Variants in EEF1A2 observed in about 807,000 individuals in gnomAD.
EEF1A2 encodes the protein elongation factor 1-alpha 2.
A neutral mutation model predicts 39.3 loss-of-function variants in EEF1A2; 5 were observed. That is an observed-to-expected ratio of 0.13 (90% CI 0.07 to 0.27). The LOEUF is 0.27. Ranked by LOEUF, EEF1A2 falls within the 10% of genes least tolerant of loss-of-function variation. The pLI, the probability that EEF1A2 is intolerant of heterozygous loss-of-function variation, is 1.00. For synonymous variants in EEF1A2, 287 were observed against 293.7 expected (o/e 0.98, Z 0.23); for missense variants, 218 against 681.4 (o/e 0.32, Z 7.57).
chr20:63,488,160 A>T lies in EEF1A2; in HGVS notation c.*138T>A. On this transcript the variant is annotated 3_prime_UTR_variant, in exon 8 of 8. Coordinates refer to ENST00000217182, the MANE Select transcript of EEF1A2 (RefSeq NM_001958.5). ...CAGTCGCTGACCGAGGGCCTCTGGCAAGCGGAGGTGCAGACATGCGCCTGG... is the reference window on the plus strand; with the variant it reads ...CAGTCGCTGACCGAGGGCCTCTGGCTAGCGGAGGTGCAGACATGCGCCTGG... 2.3e-6 allele frequency: 1 copy of T among 436,096 alleles called. No individual in the cohort carries two copies. The highest frequency in any genetic ancestry group is 3.0e-6 in the Non-Finnish European group (1 of 332,984). The allele number at this position is 436,096 out of a possible 1,614,324, so 27.0% of individuals were successfully genotyped here.
chr20:63,493,943 G>C (rs192313540), intron 4 of EEF1A2, among the ~76,000 whole-genome samples: 1 of 152,238 alleles, frequency 6.6e-6, no homozygotes, highest in African/African-American at 2.4e-5. Flanking sequence ...GCCTCCCTGG[G>C]GAGGGGAGAG....
intron 4 of EEF1A2, 23 bp from the exon 5 acceptor site, chr20:63,493,310 A>G (rs1338284790): frequency 1.3e-6 from 2 of 1,495,562 alleles, no homozygotes; most frequent in South Asian, 2.6e-5. Flanking sequence ...GAGAAAATCA[A>G]TCCGTTAAGA....
At chr20:63,490,196 A>G (rs1185628202) in intron 6 of EEF1A2, 3 of 308,736 alleles carry the variant, frequency 9.7e-6, no homozygotes, top group Non-Finnish European at 1.9e-5. Flanking sequence ...GCTTCCTGAT[A>G]GCTGGGACTA....
intron 7 of EEF1A2, 97 bp from the exon 8 acceptor site, chr20:63,488,522 T>A (rs7265428): frequency 1.6e-6 from 2 of 1,287,096 alleles, no homozygotes; most frequent in Admixed American, 4.0e-5. Context: ...GCGTCGGGAA[T>A]GTCCTCGGAA....
At chr20:63,494,304 G>C (rs1448267783) in intron 4 of EEF1A2, among the ~76,000 whole-genome samples, 1 of 152,214 alleles carries the variant, frequency 6.6e-6, no homozygotes, top group Non-Finnish European at 1.5e-5. Flanking sequence ...GCTCCCAGGT[G>C]ACCGGCCAAG....
At chr20:63,489,423 G>A (rs1358537776) in intron 6 of EEF1A2, among the ~76,000 whole-genome samples, 2 of 152,202 alleles carry the variant, frequency 1.3e-5, no homozygotes, top group African/African-American at 4.8e-5. Flanking sequence ...ACTAAGGCGG[G>A]GGGGTGACAA....
rs746290505 is a variant in EEF1A2, at chr20:63,495,063, G to A, written c.363C>T (p.Gly121=). 30 of 1,611,720 alleles carry A rather than the reference G, an allele frequency of 1.9e-5. No homozygotes were observed. The highest frequency in any genetic ancestry group is 2.7e-5 in the African/African-American group (2 of 74,918). ...CAVLIVAAGV[G]EFEAGISKNG... ...TCTTGGAGATGCCCGCCTCGAACTC[G>A]CCCACGCCCGCCGCCACGATCAGCA... Residue 121 remains glycine (G), a synonymous_variant, in exon 4 of 8, where the codon GGC becomes GGT. Coordinates refer to ENST00000217182, the MANE Select transcript of EEF1A2 (RefSeq NM_001958.5).
chr20:63,490,388 G>T (rs1004750167), intron 6 of EEF1A2, 91 bp downstream of exon 6: 2 of 1,496,536 alleles, frequency 1.3e-6, no homozygotes, highest in Non-Finnish European at 1.8e-6. Context: ...TTCTCCCCAC[G>T]CCAGGCCACC....
rs1031208247 is a variant in EEF1A2, at chr20:63,497,823, G to A, written c.-60C>T. ...GGTGCTCTGGCTCAGGGCGAGGGGG[G>A]CTGCAGTGATTCTGTGGGGCCAGTG... is the stretch of plus-strand genomic sequence containing the variant. On this transcript the variant is annotated 5_prime_UTR_variant, in exon 2 of 8. Transcript: ENST00000217182. The surrounding 1 kb of genome is among the most constrained non-coding windows in gnomAD (Gnocchi z 7.3). 16 of 1,571,730 alleles carry A rather than the reference G, an allele frequency of 1.0e-5. No individual in the cohort carries two copies. The African/African-American group carries it at 1.9e-4, about 19-fold the overall frequency.
At position 63,490,746 on chromosome 20, in the gene EEF1A2, GA is replaced by G. The variant is rs1760677945; in HGVS notation, c.773-12del. The G allele has an allele frequency of 1.3e-6, 2 of 1,584,268 alleles. No individual in the cohort carries two copies. Among genetic ancestry groups the G allele is most frequent in the African/African-American group, 2.7e-5 (2 of 74,654 alleles). ...GCACCGTGCCAATGCCTGCAGAGGG[GA>G]GGGGGTGTGAGGGGAAGGTGGGGCC... On this transcript the variant is annotated splice_polypyrimidine_tract_variant and intron_variant, in intron 5 of 7. Coordinates refer to ENST00000217182, the MANE Select transcript of EEF1A2 (RefSeq NM_001958.5).
intron 2 of EEF1A2, 103 bp from the exon 3 acceptor site, chr20:63,496,138 A>G: frequency 7.2e-7 from 1 of 1,386,820 alleles, no homozygotes. Context: ...GAGGCGGGAG[A>G]TGGGCTCCAG....
At chr20:63,492,997 G>T in intron 5 of EEF1A2, 140 bp downstream of exon 5, 1 of 1,181,638 alleles carries the variant, frequency 8.5e-7, no homozygotes, top group Non-Finnish European at 1.1e-6. Context: ...GGATGGATGT[G>T]GGATGGACTG....
At position 63,496,054 on chromosome 20, in the gene EEF1A2, A is replaced by T. The variant is rs1286021306; in HGVS notation, c.145-19T>A. The T allele has an allele frequency of 1.9e-6, 3 of 1,611,754 alleles. No homozygotes were observed. Among genetic ancestry groups the T allele is most frequent in the South Asian group, 2.2e-5 (2 of 91,056 alleles). The stretch of plus-strand genomic sequence containing the variant: ...TCCCCATCTGGAGCGGGTGAGGGTC[A>T]CGGCTGAGGGCGGGACCCGGGACCC... On this transcript the variant is annotated intron_variant, in intron 2 of 7. Transcript: ENST00000217182.
At chr20:63,494,058 T>G (rs939245521) in intron 4 of EEF1A2, among the ~76,000 whole-genome samples, 7 of 152,100 alleles carry the variant, frequency 4.6e-5, no homozygotes, top group Admixed American at 2.6e-4. Flanking sequence ...CCCAGTTCTG[T>G]CCCCAGACCT....
At position 63,494,782 on chromosome 20, in the gene EEF1A2, G is replaced by A. The variant is rs753716954; in HGVS notation, c.621+23C>T. On this transcript the variant is annotated intron_variant, in intron 4 of 7. Transcript: ENST00000217182. ...GGGGTCCAGCCAGCTCCCGTGGCCC[G>A]CCCCGCCCTAGCCGCCACTCACGTT... 8 of 1,598,004 alleles carry A rather than the reference G, an allele frequency of 5.0e-6. No individual in the cohort carries two copies. In the African/African-American group the frequency reaches 5.3e-5, roughly 11 times the overall value.
At chr20:63,491,907 TGGATGGGG>T (rs2082382812) in intron 5 of EEF1A2, among the ~76,000 whole-genome samples, 1 of 123,002 alleles carries the variant, frequency 8.1e-6, no homozygotes. Context: ...GATGGATGGA[TGGATGGGG>T]GGATAGATGG....
At chr20:63,488,843 C>T in intron 7 of EEF1A2, 75 bp downstream of exon 7, 2 of 1,501,660 alleles carry the variant, frequency 1.3e-6, no homozygotes, top group Non-Finnish European at 1.8e-6. Flanking sequence ...AGCGCCCCAT[C>T]CCCGCAGTCC....
chr20:63,491,958 GT>G (rs2082383971), intron 5 of EEF1A2, among the ~76,000 whole-genome samples: 1 of 68,450 alleles, frequency 1.5e-5, no homozygotes. Flanking sequence ...GGATGGGGAG[GT>G]GGATGGATGG....
intron 2 of EEF1A2, 146 bp from the exon 3 acceptor site, chr20:63,496,181 G>T: frequency 3.1e-6 from 3 of 981,588 alleles, no homozygotes; most frequent in Non-Finnish European, 4.4e-6. Flanking sequence ...GTCCTGGGAC[G>T]CCGGCCCCCT....
Sources: gnomAD v4.1 joint callset for allele counts (sites outside exome capture counted in the v4.1 genomes callset) on GRCh38, gnomAD v4.1.1 for gene constraint, Gnocchi (gnomAD v3.1) non-coding constraint, MANE v1.5 for transcripts, NCBI Gene and HGNC (gene_info 2026-07-23, HGNC 2026-07-21) for gene names.